Variants in RHOBTB1 observed in about 807,000 individuals in gnomAD.
RHOBTB1 encodes the protein rho-related BTB domain-containing protein 1.
RHOBTB1 carries 40 observed loss-of-function variants against 71.6 expected under a neutral mutation model. The observed-to-expected ratio is 0.56, with a 90% confidence interval of 0.43 to 0.73. The LOEUF (loss-of-function observed/expected upper bound fraction) is 0.73. Among genes scored for constraint, RHOBTB1 ranks in the 30% least tolerant of loss-of-function variants. The pLI, the probability that RHOBTB1 is intolerant of heterozygous loss-of-function variation, is 0.00. For synonymous variants in RHOBTB1, 319 were observed against 334.9 expected (o/e 0.95, Z 0.52); for missense variants, 797 against 894.0 (o/e 0.89, Z 1.38).
chr10:60,951,505 G>C (rs1321207663), intron 2 of RHOBTB1, among the ~76,000 whole-genome samples: 1 of 152,184 alleles, frequency 6.6e-6, no homozygotes, highest in Non-Finnish European at 1.5e-5. Context: ...TTATGGTCAA[G>C]TAGTTAACTG....
chr10:60,938,983 G>A (rs1404927888), intron 2 of RHOBTB1, among the ~76,000 whole-genome samples: 1 of 152,104 alleles, frequency 6.6e-6, no homozygotes, highest in African/African-American at 2.4e-5. Flanking sequence ...CAATTCAAAG[G>A]AAATTTCTCC....
intron 5 of RHOBTB1, among the ~76,000 whole-genome samples, chr10:60,891,895 G>A (rs1412126396): frequency 6.6e-6 from 1 of 152,056 alleles, no homozygotes; most frequent in Admixed American, 6.5e-5. Context: ...GAATCGTGGG[G>A]GCGGTTCCCC....
At chr10:60,922,550 G>A (rs7913431) in intron 2 of RHOBTB1, among the ~76,000 whole-genome samples, 82,657 of 152,022 alleles carry the variant, frequency 0.54, 22,810 homozygotes, top group East Asian at 0.78. Flanking sequence ...CCATGTCCAC[G>A]GGGAAAAGAA....
rs192421207 is a variant in RHOBTB1 at position 60,910,865 on chromosome 10, C to T, written c.296+22G>A. On this transcript the variant is annotated intron_variant, in intron 4 of 10. Transcript: ENST00000337910. ...AGGAAATTGCATTCAAGCTCAACCA[C>T]GCTGTACTAGTCTTGGTTTACCTGC... The T allele has an allele frequency of 9.7e-4, 1,518 of 1,565,940 alleles. 22 individuals carry two copies. In the Admixed American group the frequency reaches 0.022, roughly 23 times the overall value.
downstream of RHOBTB1, among the ~76,000 whole-genome samples, chr10:60,866,227 G>A (rs2080635014): frequency 2.0e-5 from 3 of 152,198 alleles, no homozygotes; most frequent in African/African-American, 2.4e-5. Flanking sequence ...ATCACCGGTG[G>A]AATGGAGGAA....
intron 1 of RHOBTB1, among the ~76,000 whole-genome samples, chr10:60,990,487 A>T (rs1565205862): frequency 7.6e-6 from 1 of 132,130 alleles, no homozygotes; most frequent in South Asian, 2.7e-4. Flanking sequence ...TGTACATATC[A>T]CTTAGCAATT....
intron 1 of RHOBTB1, among the ~76,000 whole-genome samples, chr10:60,998,032 T>C (rs975302927): frequency 6.6e-6 from 1 of 152,200 alleles, no homozygotes; most frequent in African/African-American, 2.4e-5. Flanking sequence ...TCTAAGGTAT[T>C]GTCTAGACCT....
chr10:60,902,842 G>A (rs2082474819), intron 4 of RHOBTB1, among the ~76,000 whole-genome samples: 1 of 152,196 alleles, frequency 6.6e-6, no homozygotes, highest in Non-Finnish European at 1.5e-5. Flanking sequence ...TGCCTTAGAA[G>A]ATCCTGGAAC....
intron 2 of RHOBTB1, among the ~76,000 whole-genome samples, chr10:60,938,811 T>C (rs912625489): frequency 6.6e-6 from 1 of 152,132 alleles, no homozygotes; most frequent in Non-Finnish European, 1.5e-5. Context: ...TTCCTAGTAG[T>C]TCTTTAAAAT....
chr10:60,942,154 AT>A (rs2084933840), intron 1 of RHOBTB1, among the ~76,000 whole-genome samples: 1 of 152,242 alleles, frequency 6.6e-6, no homozygotes, highest in Non-Finnish European at 1.5e-5. Flanking sequence ...AAACCGATAG[AT>A]AACAATGAAA....
intron 2 of RHOBTB1, among the ~76,000 whole-genome samples, chr10:60,929,167 G>A (rs1051210536): frequency 1.3e-5 from 2 of 151,992 alleles, no homozygotes; most frequent in South Asian, 2.1e-4. Context: ...GATTATAATT[G>A]GATATGAGAT....
At chr10:60,914,980 G>A (rs972612514) in intron 2 of RHOBTB1, among the ~76,000 whole-genome samples, 8 of 152,210 alleles carry the variant, frequency 5.3e-5, no homozygotes, top group Admixed American at 5.2e-4. Context: ...TGCTCCAGAT[G>A]TGGAATTTCC....
intron 2 of RHOBTB1, among the ~76,000 whole-genome samples, chr10:60,920,990 T>C (rs1005039554): frequency 3.3e-5 from 5 of 151,262 alleles, no homozygotes; most frequent in African/African-American, 4.9e-5. Context: ...TCTCGCCTTG[T>C]TGCCCAAGCT....
At chr10:60,999,519 G>A (rs1170609991) in intron 1 of RHOBTB1, among the ~76,000 whole-genome samples, 1 of 152,180 alleles carries the variant, frequency 6.6e-6, no homozygotes, top group Non-Finnish European at 1.5e-5. Flanking sequence ...TAAATCAACT[G>A]GGAACAAACC....
intron 2 of RHOBTB1, among the ~76,000 whole-genome samples, chr10:60,932,523 A>AAAAG (rs2084318807): frequency 6.6e-6 from 1 of 150,948 alleles, no homozygotes; most frequent in Middle Eastern, 3.2e-3. Context: ...TAAAAAAAAA[A>AAAAG]AAAAAAAAAG....
At chr10:60,871,943 C>T in intron 10 of RHOBTB1, 1 of 612,340 alleles carries the variant, frequency 1.6e-6, no homozygotes. Flanking sequence ...CCTCTGCACT[C>T]TCTGCAACAG....
intron 1 of RHOBTB1, among the ~76,000 whole-genome samples, chr10:60,987,511 C>G (rs1457456840): frequency 6.6e-6 from 1 of 152,148 alleles, no homozygotes; most frequent in East Asian, 1.9e-4. Flanking sequence ...ACAAAAAGCC[C>G]TATTTCCCAT....
intron 8 of RHOBTB1, among the ~76,000 whole-genome samples, chr10:60,875,450 C>A (rs1007206486): frequency 1.3e-5 from 2 of 152,176 alleles, no homozygotes; most frequent in Admixed American, 1.3e-4. Context: ...TTGGACCATC[C>A]AGATATGAAA....
At chr10:60,909,677 C>T (rs1352439741) in intron 4 of RHOBTB1, among the ~76,000 whole-genome samples, 1 of 151,910 alleles carries the variant, frequency 6.6e-6, no homozygotes, top group Non-Finnish European at 1.5e-5. Flanking sequence ...AGATAACAAT[C>T]AACAACATTA....
Sources: allele counts gnomAD v4.1 joint callset (sites outside exome capture counted in the v4.1 genomes callset), GRCh38; gene constraint gnomAD v4.1.1; transcripts MANE v1.5; gene names NCBI Gene and HGNC (gene_info 2026-07-23, HGNC 2026-07-21).